PDE1C: variants seen among roughly 807,000 people sequenced by gnomAD.
PDE1C encodes dual specificity calcium/calmodulin-dependent 3',5'-cyclic nucleotide phosphodiesterase 1C.
Under a neutral mutation model 93.1 loss-of-function variants are expected in PDE1C, and 62 were observed. The observed-to-expected ratio is 0.67, with a 90% confidence interval of 0.54 to 0.82. PDE1C has a LOEUF of 0.82. Ranked by LOEUF, PDE1C falls within the 40% of genes least tolerant of loss-of-function variation. PDE1C has a pLI of 0.00. For synonymous variants in PDE1C, 325 were observed against 310.1 expected (o/e 1.05, Z -0.50); for missense variants, 742 against 884.6 (o/e 0.84, Z 2.04).
chr7:31,842,902 T>C (rs1792095537), intron 9 of PDE1C, among the ~76,000 whole-genome samples: 1 of 151,966 alleles, frequency 6.6e-6, no homozygotes, highest in Admixed American at 6.6e-5. Context: ...ACTGTTTTAA[T>C]AGTATTGCAC....
chr7:31,695,274 T>G, the PDE1C span, among the ~76,000 whole-genome samples: 1 of 152,192 alleles, frequency 6.6e-6, no homozygotes, highest in South Asian at 2.1e-4. Context: ...GCATTCTAGT[T>G]TTCGATTTTG....
chr7:31,643,485 C>G, the PDE1C span: 3 of 1,614,002 alleles, frequency 1.9e-6, no homozygotes, highest in South Asian at 1.1e-5. Flanking sequence ...CTGGCAGCTC[C>G]AGGTCTGTAA....
At chr7:32,332,554 T>C (rs1475447794) in intron 1 of PDE1C, among the ~76,000 whole-genome samples, 1 of 152,034 alleles carries the variant, frequency 6.6e-6, no homozygotes, top group Non-Finnish European at 1.5e-5. Flanking sequence ...AACAGAAATA[T>C]GTACACATTT....
At chr7:32,192,300 T>C (rs1418129955) in intron 2 of PDE1C, among the ~76,000 whole-genome samples, 1 of 152,158 alleles carries the variant, frequency 6.6e-6, no homozygotes, top group Non-Finnish European at 1.5e-5. Flanking sequence ...TCCCAAAGAT[T>C]TTCTGTTTTT....
chr7:31,707,130 C>A, the PDE1C span: 1 of 1,388,704 alleles, frequency 7.2e-7, no homozygotes, highest in Non-Finnish European at 1.0e-6. Context: ...CTCCTTTGTA[C>A]TGTGTCTGTC....
chr7:32,341,679 G>A (rs954474017), intron 1 of PDE1C, among the ~76,000 whole-genome samples: 1 of 152,026 alleles, frequency 6.6e-6, no homozygotes, highest in African/African-American at 2.4e-5. Flanking sequence ...GGCTGAAGGG[G>A]GTCCATGCCC....
At chr7:31,916,376 A>G (rs1461175558) in intron 2 of PDE1C, among the ~76,000 whole-genome samples, 1 of 152,210 alleles carries the variant, frequency 6.6e-6, no homozygotes, top group Non-Finnish European at 1.5e-5. Context: ...ATCTGGAAAT[A>G]TCATGATAAC....
upstream of PDE1C, chr7:32,071,092 C>T: frequency 2.0e-6 from 2 of 985,496 alleles, no homozygotes; most frequent in Non-Finnish European, 2.4e-6. Context: ...GCGCGGGCAC[C>T]GCCGTCTGCC....
chr7:32,156,877 A>G (rs990198336), intron 3 of PDE1C, among the ~76,000 whole-genome samples: 4 of 152,202 alleles, frequency 2.6e-5, no homozygotes, highest in Admixed American at 1.3e-4. Context: ...CAGTTAAGGT[A>G]CCCATTGATT....
At chr7:31,619,647 C>A in the PDE1C span, among the ~76,000 whole-genome samples, 35 of 152,056 alleles carry the variant, frequency 2.3e-4, no homozygotes, top group African/African-American at 8.2e-4. Flanking sequence ...CGAATAGGAA[C>A]AGCTCCAGTC....
intron 2 of PDE1C, among the ~76,000 whole-genome samples, chr7:31,978,178 AT>A (rs1811913090): frequency 2.0e-5 from 3 of 152,142 alleles, no homozygotes; most frequent in South Asian, 4.1e-4. Context: ...TTCAACATAG[AT>A]TTCGGCAGAC....
chr7:32,036,443 C>T (rs1257090150), intron 2 of PDE1C, among the ~76,000 whole-genome samples: 1 of 151,740 alleles, frequency 6.6e-6, no homozygotes, highest in Non-Finnish European at 1.5e-5. Context: ...CAAATTAAAC[C>T]CAAAGTAAGT....
chr7:32,058,486 C>G (rs1487479549), intron 1 of PDE1C, among the ~76,000 whole-genome samples: 1 of 152,216 alleles, frequency 6.6e-6, no homozygotes, highest in Non-Finnish European at 1.5e-5. Flanking sequence ...GAACGATCAT[C>G]TGATCCTCTG....
At chr7:32,287,662 G>A (rs1205550103) in intron 1 of PDE1C, among the ~76,000 whole-genome samples, 1 of 152,244 alleles carries the variant, frequency 6.6e-6, no homozygotes, top group Admixed American at 6.5e-5. Flanking sequence ...GCAGGGCACT[G>A]CAAAGTACGG....
intron 17 of PDE1C, among the ~76,000 whole-genome samples, chr7:31,762,965 A>G (rs1211636368): frequency 6.6e-6 from 1 of 152,134 alleles, no homozygotes; most frequent in Non-Finnish European, 1.5e-5. Flanking sequence ...GTGGTTCTCA[A>G]TCCCGGGTGC....
intron 1 of PDE1C, among the ~76,000 whole-genome samples, chr7:32,387,947 GGCCTCTACACTTAT>G (rs933151351): frequency 9.9e-5 from 15 of 152,268 alleles, no homozygotes; most frequent in African/African-American, 3.6e-4. Context: ...AAGCTTTCCT[GGCCTCTACACTTAT>G]GCCTTTGTGT....
intron 2 of PDE1C, among the ~76,000 whole-genome samples, chr7:32,009,181 C>A (rs960070189): frequency 1.3e-5 from 2 of 152,252 alleles, no homozygotes; most frequent in Non-Finnish European, 2.9e-5. Context: ...TGGAGATATG[C>A]GAAACAAAGA....
intron 1 of PDE1C, among the ~76,000 whole-genome samples, chr7:32,307,071 A>C (rs1813022808): frequency 6.6e-6 from 1 of 152,220 alleles, no homozygotes; most frequent in Non-Finnish European, 1.5e-5. Flanking sequence ...GCTTCCCAGG[A>C]TCAAGAAAAA....
chr7:32,384,028 C>T (rs1245910989), intron 1 of PDE1C, among the ~76,000 whole-genome samples: 1 of 152,206 alleles, frequency 6.6e-6, no homozygotes, highest in Non-Finnish European at 1.5e-5. Context: ...TTGTTACTCA[C>T]CCATCTGAGA....
Sources: allele counts gnomAD v4.1 joint callset (sites outside exome capture counted in the v4.1 genomes callset), GRCh38; gene constraint gnomAD v4.1.1; transcripts MANE v1.5; gene names NCBI Gene and HGNC (gene_info 2026-07-23, HGNC 2026-07-21).